The following ZBTB46 variants were observed in gnomAD, a reference collection of about 807,000 sequenced individuals.
ZBTB46 encodes the protein zinc finger and BTB domain-containing protein 46.
A neutral mutation model predicts 44.1 loss-of-function variants in ZBTB46; 8 were observed. The observed-to-expected ratio is 0.18, with a 90% CI of 0.11 to 0.33. ZBTB46 has a LOEUF of 0.33. ZBTB46 is among the 10% of genes least tolerant of loss of function. The pLI, the probability that ZBTB46 is intolerant of heterozygous loss-of-function variation, is 1.00. For synonymous variants in ZBTB46, 409 were observed against 382.3 expected, an observed-to-expected ratio of 1.07 and a Z score of -0.81; for missense variants, 651 against 847.7, an observed-to-expected ratio of 0.77 and a Z score of 2.88.
At chr20:63,819,819 G>A (rs1276764166) in intron 1 of ZBTB46, among the ~76,000 whole-genome samples, 1 of 152,136 alleles carries the variant, frequency 6.6e-6, no homozygotes, top group Non-Finnish European at 1.5e-5. Context: ...ACTGACAGCC[G>A]CTTTGTCAGT....
At position 63,790,503 on chromosome 20, in the gene ZBTB46, G is replaced by A. The variant is rs1387681243; in HGVS notation, c.255C>T (p.Ala85=). The change falls in exon 2 of 5, where the codon GCC becomes GCT. Residue 85 remains alanine, a synonymous_variant. Transcript: ENST00000245663. ...GCGCTGAGTACATGAAGTCGATGAT[G>A]GCCTTGAAGCCCTGGGCCGTGACGA... ...LDIVTAQGFK[A]IIDFMYSAHL... 6.2e-7 allele frequency: 1 copy of A among 1,612,960 alleles called. No homozygotes were observed. The highest frequency in any genetic ancestry group is 1.3e-5 in the African/African-American group (1 of 74,934).
rs1486141810 is a variant in ZBTB46, at chr20:63,803,348, G to T, written c.-33-12558C>A. ...ATACATCATATTACCATTGTTCGTGGTCGCATTTCAAAATTTTTAAGTGAG... is the reference window on the plus strand; with the variant it reads ...ATACATCATATTACCATTGTTCGTGTTCGCATTTCAAAATTTTTAAGTGAG... On this transcript the variant is annotated intron_variant, in intron 1 of 4. Transcript: ENST00000245663. This position sits in a 1 kb window ranked among gnomAD's most constrained non-coding sequence, Gnocchi z 4.0. 1 of 985,310 alleles carries T rather than the reference G, an allele frequency of 1.0e-6. No individual in the cohort carries two copies. Among genetic ancestry groups the T allele is most frequent in the Non-Finnish European group, 1.2e-6 (1 of 829,942 alleles). 61.0% of individuals were successfully genotyped at this position (985,310 alleles called of 1,614,324 possible).
chr20:63,798,674 C>CAACAAAAAAAAAA (rs2092621187), intron 1 of ZBTB46, among the ~76,000 whole-genome samples: 1 of 18,746 alleles, frequency 5.3e-5, no homozygotes, highest in Non-Finnish European at 8.1e-5. Context: ...GACTCTGTCT[C>CAACAAAAAAAAAA]AAAAAAAAAA....
At position 63,790,312 on chromosome 20, in the gene ZBTB46, G is replaced by A. The variant is rs770281468; in HGVS notation, c.446C>T (p.Ser149Leu). ...GAGAGCTTCCGTGCTGCTGCTGGAC[G>A]AGGCGCCGATCTCGAACTCCGCAAG... is the stretch of plus-strand genomic sequence containing the variant. ...DELAEFEIGASSSSSTEALIS... is the reference protein window; with the variant it reads ...DELAEFEIGALSSSSTEALIS... The change falls in exon 2 of 5, where the codon TCG becomes TTG. Residue 149 changes from serine to leucine, a missense_variant. By Grantham distance (145) the Ser-to-Leu change is moderately radical. Coordinates refer to ENST00000245663, the MANE Select transcript of ZBTB46 (RefSeq NM_001369741.1). 29 of 1,612,950 alleles carry A rather than the reference G, an allele frequency of 1.8e-5. No individual in the cohort carries two copies. The highest frequency in any genetic ancestry group is 1.1e-5 in the South Asian group (1 of 91,050).
At chr20:63,755,367 C>T (rs1033294295) in intron 3 of ZBTB46, among the ~76,000 whole-genome samples, 9 of 152,210 alleles carry the variant, frequency 5.9e-5, no homozygotes, top group East Asian at 1.9e-4. Flanking sequence ...AGGGTCCCTC[C>T]GGCCTCTTCA....
At chr20:63,751,647 C>A (rs981392653) in intron 4 of ZBTB46, among the ~76,000 whole-genome samples, 1 of 148,706 alleles carries the variant, frequency 6.7e-6, no homozygotes, top group Non-Finnish European at 1.5e-5. Context: ...TAAAGCCCCG[C>A]CCCCCGGTGG....
chr20:63,746,937 A>G lies in ZBTB46; in HGVS notation c.1763T>C (p.Leu588Pro). 1 of 1,550,054 alleles carries G rather than the reference A, an allele frequency of 6.5e-7. No individual in the cohort carries two copies. The highest frequency in any genetic ancestry group is 8.7e-7 in the Non-Finnish European group (1 of 1,151,362). Residue 588 changes from leucine (L) to proline (P), a missense_variant, in exon 5 of 5, where the codon CTC becomes CCC. By Grantham distance (98) the Leu-to-Pro change is moderately conservative. Coordinates refer to ENST00000245663, the MANE Select transcript of ZBTB46 (RefSeq NM_001369741.1). The part of the protein sequence containing the change: ...PGGPDKDFAW[L>P]S ...CCCTGCCGGCGGGCGGGCCTAGGAG[A>G]GCCAGGCGAAGTCCTTGTCAGGGCC...
chr20:63,820,791 C>T (rs1163680739), intron 1 of ZBTB46, among the ~76,000 whole-genome samples: 2 of 151,816 alleles, frequency 1.3e-5, no homozygotes, highest in South Asian at 2.1e-4. Context: ...TGCCACAGCA[C>T]GATCTCGGCT....
At chr20:63,827,434 C>T (rs1420283561) in intron 1 of ZBTB46, among the ~76,000 whole-genome samples, 6 of 151,570 alleles carry the variant, frequency 4.0e-5, no homozygotes, top group Admixed American at 3.3e-4. Flanking sequence ...GGTGAAACCC[C>T]GTCTCTACTA....
At position 63,746,234 on chromosome 20, in the gene ZBTB46, G is replaced by C. The variant is rs1352029511; in HGVS notation, c.*696C>G. Reference sequence around the variant, plus strand: ...GGAACCTGGTGTGGCCTGAAGTGGTGGGGGGCACAGGGCTGAGGGTCCCCT... The same window carrying C: ...GGAACCTGGTGTGGCCTGAAGTGGTCGGGGGCACAGGGCTGAGGGTCCCCT... On this transcript the variant is annotated 3_prime_UTR_variant, in exon 5 of 5. Coordinates refer to ENST00000245663, the MANE Select transcript of ZBTB46 (RefSeq NM_001369741.1). The C allele has an allele frequency of 1.3e-5, 2 of 152,846 alleles. No homozygotes were observed. The highest frequency in any genetic ancestry group is 1.3e-4 in the Admixed American group (2 of 15,298). The allele number at this position is 152,846 out of a possible 1,614,324, so 9.5% of individuals were successfully genotyped here. A position where few individuals can be genotyped will look rare whatever the true frequency, so the allele number is the denominator to read the frequency against.
chr20:63,764,435 C>G (rs1326330288), intron 3 of ZBTB46, among the ~76,000 whole-genome samples: 1 of 139,894 alleles, frequency 7.1e-6, no homozygotes, highest in East Asian at 2.1e-4. Context: ...GGCCCTGTCT[C>G]AAAAAAAAAA....
At chr20:63,822,213 C>T (rs112381526) in intron 1 of ZBTB46, among the ~76,000 whole-genome samples, 9 of 152,346 alleles carry the variant, frequency 5.9e-5, no homozygotes, top group African/African-American at 1.7e-4. Context: ...GCCAGCAAAG[C>T]TGCACTCACA....
chr20:63,833,089 C>T (rs925167179), upstream of ZBTB46, among the ~76,000 whole-genome samples: 1 of 152,246 alleles, frequency 6.6e-6, no homozygotes, highest in Non-Finnish European at 1.5e-5. Flanking sequence ...GATGTCTGGA[C>T]CTCCCTAGAC....
chr20:63,758,604 T>C (rs1238401245), intron 3 of ZBTB46, among the ~76,000 whole-genome samples: 2 of 152,100 alleles, frequency 1.3e-5, no homozygotes, highest in African/African-American at 2.4e-5. Context: ...CCTAGATCCT[T>C]TGCATCTCCA....
intron 1 of ZBTB46, among the ~76,000 whole-genome samples, chr20:63,814,265 A>AG (rs2092735098): frequency 6.6e-6 from 1 of 151,810 alleles, no homozygotes; most frequent in Non-Finnish European, 1.5e-5. Flanking sequence ...AAAAAAAGAA[A>AG]GGAAAAAGAA....
At chr20:63,751,209 C>G (rs551564623) in intron 4 of ZBTB46, among the ~76,000 whole-genome samples, 1 of 150,954 alleles carries the variant, frequency 6.6e-6, no homozygotes, top group Admixed American at 6.6e-5. Context: ...TCCTCCGCTA[C>G]GGAAAACAAG....
chr20:63,826,872 A>C (rs1455439209), intron 1 of ZBTB46, among the ~76,000 whole-genome samples: 1 of 152,196 alleles, frequency 6.6e-6, no homozygotes, highest in Non-Finnish European at 1.5e-5. Context: ...ACCAGCTCCC[A>C]AAAGCTGCCT....
intron 2 of ZBTB46, among the ~76,000 whole-genome samples, chr20:63,783,466 C>T (rs1367598910): frequency 6.6e-6 from 1 of 152,128 alleles, no homozygotes; most frequent in Non-Finnish European, 1.5e-5. Flanking sequence ...TGTCCAGTGC[C>T]GAGTGCAGAA....
intron 1 of ZBTB46, among the ~76,000 whole-genome samples, chr20:63,791,603 C>T (rs183188137): frequency 4.9e-4 from 74 of 151,570 alleles, no homozygotes; most frequent in African/African-American, 1.6e-3. Context: ...TGAGCTCAAA[C>T]GAGCTGAAGT....
Sources: gnomAD v4.1 joint callset for allele counts (sites outside exome capture counted in the v4.1 genomes callset) on GRCh38, gnomAD v4.1.1 for gene constraint, Gnocchi (gnomAD v3.1) non-coding constraint, MANE v1.5 for transcripts, NCBI Gene and HGNC (gene_info 2026-07-23, HGNC 2026-07-21) for gene names.